CNBD1: variants seen among roughly 807,000 people sequenced by gnomAD.
CNBD1 encodes cyclic nucleotide binding domain containing 1.
CNBD1 carries 71 observed loss-of-function variants against 54.4 expected under a neutral mutation model. The ratio of observed to expected loss-of-function variants is 1.30; its 90% CI spans 1.08 to 1.59. CNBD1 has a LOEUF of 1.59. Ranked by LOEUF, CNBD1 falls within the 40% of genes most tolerant of loss-of-function variation. The pLI is 0.00. For missense variants in CNBD1, 659 were observed against 518.0 expected (o/e 1.27, Z -2.64); for synonymous variants, 182 against 170.7 (o/e 1.07, Z -0.51).
chr8:87,373,567 G>T (rs373656599), intron 10 of CNBD1, among the ~76,000 whole-genome samples: 10 of 151,900 alleles, frequency 6.6e-5, no homozygotes, highest in African/African-American at 1.7e-4. Flanking sequence ...TAGATGACTG[G>T]TATGTAAAGT....
chr8:86,909,601 T>A (rs1420361665), intron 3 of CNBD1, among the ~76,000 whole-genome samples: 1 of 152,140 alleles, frequency 6.6e-6, no homozygotes, highest in African/African-American at 2.4e-5. Context: ...TATGTATACA[T>A]GTGCCATGTT....
chr8:86,889,730 A>G (rs1396074130), intron 2 of CNBD1, among the ~76,000 whole-genome samples: 2 of 152,140 alleles, frequency 1.3e-5, no homozygotes, highest in South Asian at 2.1e-4. Context: ...TCATCCTAGT[A>G]GACTACAAGC....
chr8:87,104,579 A>G (rs1811495360), intron 4 of CNBD1, among the ~76,000 whole-genome samples: 1 of 152,186 alleles, frequency 6.6e-6, no homozygotes, highest in South Asian at 2.1e-4. Flanking sequence ...TCTGTGCCCC[A>G]TTTCCAAAGA....
rs576417939 is a variant in CNBD1 at position 86,920,553 on chromosome 8, C to T, written c.272+15359C>T. Among the ~76,000 whole-genome samples the T allele has an allele frequency of 3.3e-5, 5 of 152,174 alleles. No individual in the cohort carries two copies. In the South Asian group the frequency reaches 1.0e-3, roughly 32 times the overall value. ...TTGGCAATGTGCATATTGTATGCTC[C>T]CTCTCCCACTAGCCCCAGAACTCCA... On this transcript the variant is annotated intron_variant, in intron 3 of 10. Transcript: ENST00000518476.
At chr8:87,213,430 C>G (rs960598714) in intron 5 of CNBD1, among the ~76,000 whole-genome samples, 37 of 152,072 alleles carry the variant, frequency 2.4e-4, no homozygotes, top group African/African-American at 8.7e-4. Context: ...GGGGAAGCCT[C>G]AAAATCATGG....
chr8:87,080,630 A>T (rs1238366454), intron 4 of CNBD1, among the ~76,000 whole-genome samples: 2 of 151,838 alleles, frequency 1.3e-5, no homozygotes, highest in African/African-American at 4.8e-5. Flanking sequence ...ATTATTTAGG[A>T]TTTGAATCAT....
chr8:87,347,041 G>T (rs1419274095), intron 8 of CNBD1, among the ~76,000 whole-genome samples: 1 of 152,160 alleles, frequency 6.6e-6, no homozygotes, highest in African/African-American at 2.4e-5. Context: ...CCCACTGAGA[G>T]TATTGCTCTT....
At chr8:86,932,971 A>G (rs542604091) in intron 3 of CNBD1, among the ~76,000 whole-genome samples, 52 of 152,234 alleles carry the variant, frequency 3.4e-4, no homozygotes, top group African/African-American at 1.2e-3. Flanking sequence ...GGTCGTATTT[A>G]GTGGCCCTTA....
At chr8:86,931,779 T>C (rs1809461862) in intron 3 of CNBD1, among the ~76,000 whole-genome samples, 2 of 152,300 alleles carry the variant, frequency 1.3e-5, no homozygotes, top group South Asian at 4.1e-4. Flanking sequence ...GCTTATCTTT[T>C]AGGATCAATT....
At chr8:87,073,745 T>A (rs564296868) in intron 4 of CNBD1, among the ~76,000 whole-genome samples, 10 of 152,186 alleles carry the variant, frequency 6.6e-5, no homozygotes, top group African/African-American at 7.2e-5. Flanking sequence ...GTAGGAGGTG[T>A]CTGGAGGCCC....
chr8:86,878,105 T>TGTGTGTGTGA lies in CNBD1; in HGVS notation c.89-9436_89-9435insTGTGTGTGAG, dbSNP rs56785226. Among the ~76,000 whole-genome samples the TGTGTGTGTGA allele has an allele frequency of 5.3e-3, 748 of 140,882 alleles. 12 individuals carry two copies. Among genetic ancestry groups the TGTGTGTGTGA allele is most frequent in the East Asian group, 0.032 (148 of 4,658 alleles). The allele number at this position is 140,882 out of a possible 152,430, so 92.4% of individuals were successfully genotyped here. On this transcript the variant is annotated intron_variant, in intron 1 of 10. Transcript: ENST00000518476. ...CTGTGTGTGTGTGTGTGTGTGTGTG[T>TGTGTGTGTGA]GAGAGAGAGAGAGAGAGAGAGAGAG...
intron 8 of CNBD1, among the ~76,000 whole-genome samples, chr8:87,305,378 T>A (rs557597160): frequency 3.9e-5 from 6 of 152,102 alleles, no homozygotes; most frequent in Non-Finnish European, 5.9e-5. Flanking sequence ...AATACCACCA[T>A]CATTCTTCAG....
intron 4 of CNBD1, among the ~76,000 whole-genome samples, chr8:87,053,109 C>A (rs1284162975): frequency 1.3e-5 from 2 of 152,148 alleles, no homozygotes; most frequent in African/African-American, 4.8e-5. Flanking sequence ...TTTGGGGAAT[C>A]ATCCACTATG....
intron 8 of CNBD1, among the ~76,000 whole-genome samples, chr8:87,312,098 G>A (rs1176560882): frequency 6.6e-6 from 1 of 152,030 alleles, no homozygotes; most frequent in East Asian, 1.9e-4. Flanking sequence ...AATCTAAAAT[G>A]AGAGTTGAAA....
At chr8:87,223,334 G>A (rs1814388489) in intron 5 of CNBD1, among the ~76,000 whole-genome samples, 1 of 151,358 alleles carries the variant, frequency 6.6e-6, no homozygotes, top group Non-Finnish European at 1.5e-5. Flanking sequence ...CTGGTGTGCT[G>A]CACCCACTAA....
At chr8:87,187,983 G>T (rs375512458) in intron 4 of CNBD1, among the ~76,000 whole-genome samples, 1 of 152,040 alleles carries the variant, frequency 6.6e-6, no homozygotes, top group Non-Finnish European at 1.5e-5. Flanking sequence ...ATTTTGCCCT[G>T]CCTATCATCT....
chr8:86,945,246 C>T (rs1051865000), intron 4 of CNBD1, among the ~76,000 whole-genome samples: 1 of 152,126 alleles, frequency 6.6e-6, no homozygotes, highest in Non-Finnish European at 1.5e-5. Flanking sequence ...AGATTAAGAT[C>T]CTCTGAGAAA....
chr8:87,143,879 C>A (rs1222023144), intron 4 of CNBD1, among the ~76,000 whole-genome samples: 1 of 152,056 alleles, frequency 6.6e-6, no homozygotes, highest in Non-Finnish European at 1.5e-5. Context: ...CTTAGTTTTA[C>A]TTTTTGCAGT....
chr8:87,289,279 A>G lies in CNBD1; in HGVS notation c.1042+2608A>G, dbSNP rs534877488. On this transcript the variant is annotated intron_variant, in intron 8 of 10. Transcript: ENST00000518476. The stretch of plus-strand genomic sequence containing the variant: ...ATAAGTAAAGCTTGTATCTGACTCT[A>G]TTTGCTTTGTTAACTTCTTACATCT... Among the ~76,000 whole-genome samples the G allele has an allele frequency of 2.0e-5, 3 of 152,180 alleles. No homozygotes were observed. In the East Asian group the frequency reaches 5.8e-4, roughly 29 times the overall value.
Sources: allele counts gnomAD v4.1 joint callset (sites outside exome capture counted in the v4.1 genomes callset), GRCh38; gene constraint gnomAD v4.1.1; transcripts MANE v1.5; gene names NCBI Gene and HGNC (gene_info 2026-07-23, HGNC 2026-07-21).